The following SENP1 variants were observed in gnomAD, a reference collection of about 807,000 sequenced individuals.
The protein encoded by SENP1 is SUMO specific peptidase 1.
SENP1 carries 21 observed loss-of-function variants against 93.0 expected under a neutral mutation model. The ratio of observed to expected loss-of-function variants is 0.23; its 90% confidence interval spans 0.16 to 0.33. The LOEUF is 0.33. SENP1 is among the 10% of genes least tolerant of loss of function. The pLI, the probability that SENP1 is intolerant of heterozygous loss-of-function variation, is 1.00. For synonymous variants in SENP1, 256 were observed against 259.6 expected (o/e 0.99, Z 0.13); for missense variants, 591 against 758.7 (o/e 0.78, Z 2.60).
At chr12:48,101,103 T>C (rs757980629) in intron 2 of SENP1, among the ~76,000 whole-genome samples, 1 of 152,106 alleles carries the variant, frequency 6.6e-6, no homozygotes, top group South Asian at 2.1e-4. Flanking sequence ...CTGGCCAACA[T>C]GGCGAAACCC....
chr12:48,078,952 C>T (rs1201668925), intron 6 of SENP1, among the ~76,000 whole-genome samples: 1 of 152,042 alleles, frequency 6.6e-6, no homozygotes, highest in Non-Finnish European at 1.5e-5. Flanking sequence ...AGTTTGAGAC[C>T]AGCCTGGGCA....
At chr12:48,048,254 T>C (rs1941523471) in intron 14 of SENP1, among the ~76,000 whole-genome samples, 174 bp from the exon 15 acceptor site, 1 of 152,128 alleles carries the variant, frequency 6.6e-6, no homozygotes, top group Non-Finnish European at 1.5e-5. Flanking sequence ...AAATGAAGGG[T>C]TATTTACATA....
chr12:48,086,779 T>C (rs564347485), intron 5 of SENP1, among the ~76,000 whole-genome samples: 3 of 152,268 alleles, frequency 2.0e-5, no homozygotes, highest in East Asian at 1.9e-4. Context: ...GGCTCATGCC[T>C]ATAATCCCAG....
At chr12:48,101,386 G>A in intron 2 of SENP1, 83 bp downstream of exon 2, 1 of 1,075,792 alleles carries the variant, frequency 9.3e-7, no homozygotes, top group Non-Finnish European at 1.4e-6. Context: ...TACAAATACT[G>A]AAAATGTTAG....
chr12:48,105,274 C>G (rs778587708), intron 1 of SENP1: 1 of 442,046 alleles, frequency 2.3e-6, no homozygotes, highest in Non-Finnish European at 4.5e-6. Context: ...TTACTGCTAA[C>G]AAGATAGTGG....
At chr12:48,060,333 A>T (rs549444502) in intron 13 of SENP1, among the ~76,000 whole-genome samples, 1 of 152,316 alleles carries the variant, frequency 6.6e-6, no homozygotes, top group Admixed American at 6.5e-5. Flanking sequence ...ATGCCTTTTA[A>T]AACAATCCTT....
chr12:48,096,953 T>C (rs1001254606), intron 3 of SENP1, among the ~76,000 whole-genome samples: 3 of 152,046 alleles, frequency 2.0e-5, no homozygotes, highest in Non-Finnish European at 4.4e-5. Context: ...ATAAAGACTA[T>C]AGCAGAACTA....
chr12:48,100,139 T>C (rs1945827885), intron 2 of SENP1, among the ~76,000 whole-genome samples: 2 of 152,302 alleles, frequency 1.3e-5, no homozygotes, highest in East Asian at 1.9e-4. Flanking sequence ...CCTAAGTGTA[T>C]AGATTTTTCA....
chr12:48,073,679 T>C (rs369707116), intron 8 of SENP1, among the ~76,000 whole-genome samples: 41 of 152,336 alleles, frequency 2.7e-4, no homozygotes, highest in South Asian at 8.3e-4. Context: ...AGAAAACTTT[T>C]TGCTTCCAAT....
chr12:48,063,018 TACCCA>T (rs986878592), intron 13 of SENP1, among the ~76,000 whole-genome samples: 1 of 152,198 alleles, frequency 6.6e-6, no homozygotes, highest in African/African-American at 2.4e-5. Flanking sequence ...TAGGAAAAGA[TACCCA>T]ACCCAGTTTT....
At chr12:48,060,825 T>G (rs142897813) in intron 13 of SENP1, among the ~76,000 whole-genome samples, 160 of 152,306 alleles carry the variant, frequency 1.1e-3, no homozygotes, top group African/African-American at 3.7e-3. Flanking sequence ...CCTGACCCAG[T>G]ATAGAAATCC....
chr12:48,074,639 A>T, intron 7 of SENP1, 32 bp from the exon 8 acceptor site: 1 of 1,607,126 alleles, frequency 6.2e-7, no homozygotes, highest in Non-Finnish European at 8.5e-7. Flanking sequence ...TTCAATATCA[A>T]GTAATAAATT....
chr12:48,072,272 T>C (rs77184700), intron 8 of SENP1, among the ~76,000 whole-genome samples: 153 of 152,312 alleles, frequency 1.0e-3, no homozygotes, highest in African/African-American at 3.4e-3. Context: ...CCACCTGTCA[T>C]TTAGTAGTCA....
chr12:48,048,395 G>A (rs1941535845), intron 14 of SENP1, among the ~76,000 whole-genome samples: 1 of 152,176 alleles, frequency 6.6e-6, no homozygotes, highest in Non-Finnish European at 1.5e-5. Flanking sequence ...TATAAGGTGA[G>A]TATCTCAAAA....
chr12:48,084,469 A>C (rs1163016558), intron 5 of SENP1, among the ~76,000 whole-genome samples: 1 of 33,980 alleles, frequency 2.9e-5, no homozygotes, highest in Non-Finnish European at 6.2e-5. Context: ...TTTTTTTTTG[A>C]GATGGAATCT....
intron 6 of SENP1, among the ~76,000 whole-genome samples, chr12:48,078,354 C>CACACACATACATATATATATAT (rs1944279290): frequency 1.6e-5 from 1 of 61,734 alleles, no homozygotes; most frequent in Non-Finnish European, 4.1e-5. Context: ...TATATATATA[C>CACACACATACATATATATATAT]ACACACACAC....
chr12:48,084,607 C>T (rs1041654070), intron 5 of SENP1, among the ~76,000 whole-genome samples: 3 of 152,048 alleles, frequency 2.0e-5, no homozygotes, highest in Non-Finnish European at 2.9e-5. Context: ...CGCCGCCACA[C>T]CCAGGTGATT....
intron 13 of SENP1, among the ~76,000 whole-genome samples, chr12:48,060,924 C>T (rs1382864282): frequency 2.0e-5 from 3 of 152,124 alleles, no homozygotes; most frequent in Non-Finnish European, 2.9e-5. Context: ...ATTTTTGAGA[C>T]GTTTTATTAT....
Position 48,065,763 on chromosome 12 carries a change from C to T in SENP1, c.1035-83G>A, listed in dbSNP as rs576012530. 9 of 814,068 alleles carry T rather than the reference C, an allele frequency of 1.1e-5. No homozygotes were observed. The South Asian group carries it at 1.5e-4, about 14-fold the overall frequency. 50.4% of individuals were successfully genotyped at this position (814,068 alleles called of 1,614,324 possible). A position where few individuals can be genotyped will look rare whatever the true frequency, so the allele number is the denominator to read the frequency against. On this transcript the variant is annotated intron_variant, in intron 10 of 17. Coordinates refer to ENST00000549518, the MANE Select transcript of SENP1 (RefSeq NM_001267594.2). Reference sequence around the variant, plus strand: ...GTTGATGTACACTGAATATTAAATACAGGACCCTCACAAAGAAAGTCTAAA... The same window carrying T: ...GTTGATGTACACTGAATATTAAATATAGGACCCTCACAAAGAAAGTCTAAA...
Sources: allele counts gnomAD v4.1 joint callset (sites outside exome capture counted in the v4.1 genomes callset), GRCh38; gene constraint gnomAD v4.1.1; transcripts MANE v1.5; gene names NCBI Gene and HGNC (gene_info 2026-07-23, HGNC 2026-07-21).